Variants in AKAP19 observed in about 807,000 individuals in gnomAD.
AKAP19 encodes A-kinase anchoring protein 19.
chr2:190,048,935 C>T, the AKAP19 span, among the ~76,000 whole-genome samples: 150 of 152,118 alleles, frequency 9.9e-4, 1 homozygote, highest in Non-Finnish European at 5.1e-4. Flanking sequence ...AAGTAAATAA[C>T]TAAATCATAA....
At chr2:189,907,030 G>C in the AKAP19 span, among the ~76,000 whole-genome samples, 1 of 152,092 alleles carries the variant, frequency 6.6e-6, no homozygotes, top group South Asian at 2.1e-4. Flanking sequence ...TCTCACCTAG[G>C]TTATTAAAAT....
chr2:189,889,741 G>A, the AKAP19 span, among the ~76,000 whole-genome samples: 2 of 152,072 alleles, frequency 1.3e-5, no homozygotes, highest in East Asian at 3.8e-4. Flanking sequence ...ATTATCTGAT[G>A]GTAGTTTGTG....
the AKAP19 span, among the ~76,000 whole-genome samples, chr2:190,041,967 C>T: frequency 6.6e-6 from 1 of 151,962 alleles, no homozygotes; most frequent in South Asian, 2.1e-4. Context: ...AAGATATTGG[C>T]CTGAAGCTTT....
At chr2:189,998,458 T>C in the AKAP19 span, among the ~76,000 whole-genome samples, 1 of 152,222 alleles carries the variant, frequency 6.6e-6, no homozygotes, top group Non-Finnish European at 1.5e-5. Context: ...TCTATTCAGA[T>C]TTTTCTACTT....
chr2:190,165,804 A>G, the AKAP19 span, among the ~76,000 whole-genome samples: 2 of 152,228 alleles, frequency 1.3e-5, no homozygotes, highest in African/African-American at 2.4e-5. Flanking sequence ...AACAAATTCC[A>G]AACAGAATAA....
chr2:189,932,084 G>C, the AKAP19 span, among the ~76,000 whole-genome samples: 2 of 152,142 alleles, frequency 1.3e-5, no homozygotes, highest in African/African-American at 4.8e-5. Flanking sequence ...GCTTTCTTAT[G>C]TGATGAGCAG....
At chr2:190,191,166 C>A in the AKAP19 span, among the ~76,000 whole-genome samples, 1 of 152,060 alleles carries the variant, frequency 6.6e-6, no homozygotes, top group Non-Finnish European at 1.5e-5. Flanking sequence ...GAGATGGAGT[C>A]TCACTCTGTC....
the AKAP19 span, among the ~76,000 whole-genome samples, chr2:189,971,087 A>G: frequency 3.9e-5 from 6 of 151,988 alleles, no homozygotes; most frequent in African/African-American, 1.4e-4. Flanking sequence ...GCACCCATTA[A>G]CTCATCATTT....
chr2:189,902,830 G>A, the AKAP19 span, among the ~76,000 whole-genome samples: 1 of 151,272 alleles, frequency 6.6e-6, no homozygotes, highest in Non-Finnish European at 1.5e-5. Flanking sequence ...AATAAGGAAG[G>A]TTATCGGTTT....
chr2:189,909,452 C>T, the AKAP19 span, among the ~76,000 whole-genome samples: 1 of 151,772 alleles, frequency 6.6e-6, no homozygotes, highest in Admixed American at 6.6e-5. Context: ...TGCTATCTTC[C>T]TTGGTGATTT....
chr2:190,195,941 CTTTTTTTT>C, the AKAP19 span, among the ~76,000 whole-genome samples: 1 of 86,210 alleles, frequency 1.2e-5, no homozygotes, highest in Non-Finnish European at 2.3e-5. Context: ...CTGTGTCCAG[CTTTTTTTT>C]TTTTTTTTTT....
At chr2:190,062,538 G>A in the AKAP19 span, 1 of 1,613,206 alleles carries the variant, frequency 6.2e-7, no homozygotes, top group Non-Finnish European at 8.5e-7. Flanking sequence ...TAGATCCACT[G>A]GACCAGCAAC....
At chr2:190,025,058 T>C in the AKAP19 span, among the ~76,000 whole-genome samples, 1 of 152,184 alleles carries the variant, frequency 6.6e-6, no homozygotes, top group Non-Finnish European at 1.5e-5. Context: ...CTTTGCATTT[T>C]AGCTTTCATA....
chr2:190,037,205 T>G, the AKAP19 span, among the ~76,000 whole-genome samples: 1,438 of 152,350 alleles, frequency 9.4e-3, 17 homozygotes, highest in African/African-American at 0.033. Flanking sequence ...AGACTTGATC[T>G]GATTTTTTGC....
chr2:189,940,702 G>A, the AKAP19 span, among the ~76,000 whole-genome samples: 2 of 151,514 alleles, frequency 1.3e-5, no homozygotes, highest in Non-Finnish European at 2.9e-5. Flanking sequence ...TACTTTGGGA[G>A]GCTGAGATGA....
the AKAP19 span, chr2:189,923,319 C>T: frequency 8.7e-6 from 14 of 1,605,760 alleles, no homozygotes; most frequent in East Asian, 8.9e-5. Flanking sequence ...TTGTGAGAAA[C>T]CTTACCATCA....
chr2:190,110,901 C>T, the AKAP19 span, among the ~76,000 whole-genome samples: 2 of 152,306 alleles, frequency 1.3e-5, no homozygotes, highest in South Asian at 4.1e-4. Context: ...TAATGTAGGG[C>T]GCTGTCATTG....
chr2:190,051,109 T>A, the AKAP19 span, among the ~76,000 whole-genome samples: 7 of 152,220 alleles, frequency 4.6e-5, no homozygotes, highest in Non-Finnish European at 1.5e-5. Flanking sequence ...AAATTGTATC[T>A]CTACATTTGT....
chr2:190,078,650 A>G, the AKAP19 span, among the ~76,000 whole-genome samples: 135 of 152,276 alleles, frequency 8.9e-4, 1 homozygote, highest in Middle Eastern at 3.4e-3. Context: ...CAAAATCAGG[A>G]TAAGCATGAG....
Sources: allele counts gnomAD v4.1 joint callset (sites outside exome capture counted in the v4.1 genomes callset), GRCh38; gene constraint gnomAD v4.1.1; transcripts MANE v1.5; gene names NCBI Gene and HGNC (gene_info 2026-07-23, HGNC 2026-07-21).